SEC24B: variants seen among roughly 807,000 people sequenced by gnomAD.
The protein encoded by SEC24B is SEC24 homolog B, COPII component, also known as protein transport protein Sec24B.
Under a neutral mutation model 142.8 loss-of-function variants are expected in SEC24B, and 45 were observed. The observed-to-expected ratio is 0.32, with a 90% CI of 0.25 to 0.40. SEC24B has a LOEUF of 0.40. Among genes scored for constraint, SEC24B ranks in the 10% least tolerant of loss-of-function variants. The probability of loss-of-function intolerance (pLI) is 1.00; values close to 1 mark genes in which losing one functional copy is unlikely to be tolerated. For synonymous variants in SEC24B, 574 were observed against 568.2 expected, an observed-to-expected ratio of 1.01 and a Z score of -0.15; for missense variants, 1,409 against 1,526.8, an observed-to-expected ratio of 0.92 and a Z score of 1.29.
At chr4:109,481,872 T>G in intron 4 of SEC24B, 91 bp downstream of exon 4, 1 of 866,996 alleles carries the variant, frequency 1.2e-6, no homozygotes, top group Non-Finnish European at 1.8e-6. Flanking sequence ...TAAAAAAGAG[T>G]CTTTGAAGAT....
intron 4 of SEC24B, among the ~76,000 whole-genome samples, chr4:109,483,003 C>CACACACACACATACACACACACAT (rs1408633373): frequency 3.6e-5 from 3 of 84,078 alleles, no homozygotes; most frequent in Admixed American, 1.1e-4. Context: ...CACACACACA[C>CACACACACACATACACACACACAT]ATATTATACA....
At chr4:109,519,434 A>G (rs1007224005) in intron 11 of SEC24B, among the ~76,000 whole-genome samples, 1 of 152,252 alleles carries the variant, frequency 6.6e-6, no homozygotes, top group African/African-American at 2.4e-5. Context: ...CAGAATAGCA[A>G]CAAATGTATA....
intron 9 of SEC24B, among the ~76,000 whole-genome samples, chr4:109,512,370 T>C (rs1460633084): frequency 6.6e-6 from 1 of 152,226 alleles, no homozygotes; most frequent in Non-Finnish European, 1.5e-5. Context: ...TCCCTGACAG[T>C]AAGATTGTCT....
In SEC24B at chr4:109,526,371, A is replaced by G. The variant is rs745919283; in HGVS notation, c.2937A>G (p.Gln979=). The change falls in exon 17 of 24, where the codon CAA becomes CAG. Residue 979 remains glutamine (Q), a synonymous_variant. Transcript: ENST00000265175. ...CAGATACTTCCTTAGTATGTTTTCA[A>G]ACAGCCCTATTATATACATCAAGCA... ...SLTDTSLVCF[Q]TALLYTSSKG... is the part of the protein sequence containing the mutation. 6 of 1,613,662 alleles carry G rather than the reference A, an allele frequency of 3.7e-6. No individual in the cohort carries two copies. The highest frequency in any genetic ancestry group is 5.1e-6 in the Non-Finnish European group (6 of 1,179,718).
At chr4:109,492,546 T>C (rs940391287) in intron 5 of SEC24B, among the ~76,000 whole-genome samples, 1 of 152,226 alleles carries the variant, frequency 6.6e-6, no homozygotes, top group Non-Finnish European at 1.5e-5. Context: ...TCTAATCTTA[T>C]AATGAACTAT....
At chr4:109,482,979 T>TATATATATACACACACACACAC (rs781527364) in intron 4 of SEC24B, among the ~76,000 whole-genome samples, 2 of 26,406 alleles carry the variant, frequency 7.6e-5, no homozygotes, top group African/African-American at 1.2e-4. Context: ...TATATATATA[T>TATATATATACACACACACACAC]ACACACACAC....
chr4:109,466,910 T>A (rs1731955938), intron 2 of SEC24B, among the ~76,000 whole-genome samples: 1 of 152,228 alleles, frequency 6.6e-6, no homozygotes, highest in Non-Finnish European at 1.5e-5. Context: ...TTTAGGCAGC[T>A]AATGAATTCA....
At chr4:109,481,076 C>A (rs1733692550) in intron 3 of SEC24B, among the ~76,000 whole-genome samples, 1 of 152,140 alleles carries the variant, frequency 6.6e-6, no homozygotes, top group Non-Finnish European at 1.5e-5. Context: ...GTAATTCTCA[C>A]ACTTGTAGGG....
chr4:109,494,614 G>C lies in SEC24B; in HGVS notation c.1247-1G>C, dbSNP rs1735341611. The C allele has an allele frequency of 6.2e-7, 1 of 1,613,568 alleles. No individual in the cohort carries two copies. Among genetic ancestry groups the C allele is most frequent in the Non-Finnish European group, 8.5e-7 (1 of 1,179,980 alleles). ...TAACACCATGTGTTTCCATTTTTTAGATATGCTTTCTTCATCAGCAAGCAG... is the reference window on the plus strand; with the variant it reads ...TAACACCATGTGTTTCCATTTTTTACATATGCTTTCTTCATCAGCAAGCAG... On this transcript the variant is annotated splice_acceptor_variant, in intron 5 of 23. Transcript: ENST00000265175. LOFTEE classifies it high-confidence loss of function.
intron 20 of SEC24B, 143 bp from the exon 21 acceptor site, chr4:109,532,496 T>A: frequency 1.6e-6 from 1 of 609,422 alleles, no homozygotes; most frequent in Non-Finnish European, 2.9e-6. Context: ...GCCAAGGTGG[T>A]AGCATATAAT....
At chr4:109,482,694 A>G (rs1733853839) in intron 4 of SEC24B, among the ~76,000 whole-genome samples, 1 of 151,316 alleles carries the variant, frequency 6.6e-6, no homozygotes, top group Non-Finnish European at 1.5e-5. Context: ...GCTGGAGTGC[A>G]GTGACACAAT....
At chr4:109,442,244 A>G (rs756893887) in intron 1 of SEC24B, among the ~76,000 whole-genome samples, 16 of 152,162 alleles carry the variant, frequency 1.1e-4, no homozygotes, top group African/African-American at 2.7e-4. Context: ...GCAGGATCCT[A>G]TAAGCTTTCA....
rs1728603772 is a variant in SEC24B, at chr4:109,438,308, T to C, written c.133+4306T>C. ...TCTCTTCTTAAAACTTTTTGTCTGT[T>C]TGTTTATTTATTTATTTATTTTAGA... is the stretch of plus-strand genomic sequence containing the variant. On this transcript the variant is annotated intron_variant, in intron 1 of 23. Coordinates refer to ENST00000265175, the MANE Select transcript of SEC24B (RefSeq NM_006323.5). Among the ~76,000 whole-genome samples, 3 of 152,124 alleles carry C rather than the reference T, an allele frequency of 2.0e-5. 1 individual carries two copies. The South Asian group carries it at 6.2e-4, about 32-fold the overall frequency.
At chr4:109,454,800 C>T (rs919231482) in intron 1 of SEC24B, among the ~76,000 whole-genome samples, 9 of 152,170 alleles carry the variant, frequency 5.9e-5, no homozygotes, top group African/African-American at 2.2e-4. Context: ...AAAAACTGGC[C>T]TTAAAGAAAT....
chr4:109,441,054 A>G (rs1375025445), intron 1 of SEC24B, among the ~76,000 whole-genome samples: 1 of 152,132 alleles, frequency 6.6e-6, no homozygotes, highest in East Asian at 1.9e-4. Context: ...AATGGGTTTT[A>G]AGTTTTCTAA....
rs1553995174 is a variant in SEC24B, at chr4:109,456,353, T to TTTTTA, written c.134-6548_134-6547insTTTTA. 2.9e-3 allele frequency among the ~76,000 whole-genome samples: 435 copies of TTTTTA among 148,796 alleles called. 1 individual carries two copies. The highest frequency in any genetic ancestry group is 4.8e-3 in the Non-Finnish European group (322 of 67,046). ...TTTTTTGTTTTTTTTTTTTTTTTTT[T>TTTTTA]ACTCCTTTCCAGTCTATCTACTATT... On this transcript the variant is annotated intron_variant, in intron 1 of 23. Coordinates refer to ENST00000265175, the MANE Select transcript of SEC24B (RefSeq NM_006323.5).
At chr4:109,448,534 A>C (rs1209812491) in intron 1 of SEC24B, among the ~76,000 whole-genome samples, 3 of 152,066 alleles carry the variant, frequency 2.0e-5, no homozygotes, top group Non-Finnish European at 4.4e-5. Flanking sequence ...TCCCAGGTTC[A>C]AGCGATTCTC....
At chr4:109,507,635 T>C (rs1337708464) in intron 7 of SEC24B, among the ~76,000 whole-genome samples, 1 of 151,870 alleles carries the variant, frequency 6.6e-6, no homozygotes, top group African/African-American at 2.4e-5. Flanking sequence ...ATTTCCTCTT[T>C]CTTTTTTTCT....
At chr4:109,503,532 G>A (rs1231146035) in intron 6 of SEC24B, among the ~76,000 whole-genome samples, 1 of 151,820 alleles carries the variant, frequency 6.6e-6, no homozygotes, top group Non-Finnish European at 1.5e-5. Flanking sequence ...CCTAATTTTT[G>A]TATTTTTAGT....
Sources: gnomAD v4.1 joint callset for allele counts (sites outside exome capture counted in the v4.1 genomes callset) on GRCh38, gnomAD v4.1.1 for gene constraint, MANE v1.5 for transcripts, NCBI Gene and HGNC (gene_info 2026-07-23, HGNC 2026-07-21) for gene names.